Variants in TMEM132D observed in about 807,000 individuals in gnomAD.
TMEM132D encodes mature OL transmembrane protein.
A neutral mutation model predicts 62.3 loss-of-function variants in TMEM132D; 21 were observed. That is an observed-to-expected ratio of 0.34 (90% CI 0.24 to 0.49). The LOEUF is 0.49. Among genes scored for constraint, TMEM132D ranks in the 20% least tolerant of loss-of-function variants. The pLI is 0.99. For missense variants in TMEM132D, 1,346 were observed against 1,402.8 expected (o/e 0.96, Z 0.65); for synonymous variants, 621 against 575.6 (o/e 1.08, Z -1.13).
intron 3 of TMEM132D, among the ~76,000 whole-genome samples, chr12:129,513,563 C>A (rs1407888047): frequency 6.6e-6 from 1 of 152,032 alleles, no homozygotes; most frequent in East Asian, 2.0e-4. Flanking sequence ...CGGCTCACTG[C>A]AAGCTTCGCC....
At chr12:129,183,293 G>C (rs1412185001) in intron 5 of TMEM132D, among the ~76,000 whole-genome samples, 1 of 152,182 alleles carries the variant, frequency 6.6e-6, no homozygotes, top group African/African-American at 2.4e-5. Flanking sequence ...ATGTCACAGG[G>C]GCCTATTACA....
intron 1 of TMEM132D, among the ~76,000 whole-genome samples, chr12:129,897,456 T>C (rs1875180170): frequency 6.6e-6 from 1 of 152,142 alleles, no homozygotes; most frequent in Non-Finnish European, 1.5e-5. Flanking sequence ...CCCAGGACCC[T>C]ACACATGTTA....
chr12:129,847,506 C>T (rs1294625643), intron 1 of TMEM132D, among the ~76,000 whole-genome samples: 1 of 152,086 alleles, frequency 6.6e-6, no homozygotes, highest in Non-Finnish European at 1.5e-5. Context: ...GGGCTTCCAA[C>T]GGCTCTGGTC....
chr12:129,658,187 A>G (rs1330987685), intron 2 of TMEM132D, among the ~76,000 whole-genome samples: 1 of 152,228 alleles, frequency 6.6e-6, no homozygotes, highest in Non-Finnish European at 1.5e-5. Context: ...ACTTTCTAGG[A>G]AAAGAAAGCA....
intron 1 of TMEM132D, among the ~76,000 whole-genome samples, chr12:129,745,567 C>T (rs1254388151): frequency 6.6e-6 from 1 of 152,140 alleles, no homozygotes; most frequent in Non-Finnish European, 1.5e-5. Context: ...CCCTCCTTCA[C>T]TTCTTTCATT....
At chr12:129,529,437 T>C (rs956124967) in intron 3 of TMEM132D, among the ~76,000 whole-genome samples, 3 of 152,252 alleles carry the variant, frequency 2.0e-5, no homozygotes, top group Non-Finnish European at 4.4e-5. Context: ...GGAGCCACCA[T>C]TGGGCCCCCC....
chr12:129,610,294 AGAG>A (rs1565921797), intron 2 of TMEM132D, among the ~76,000 whole-genome samples: 4 of 148,484 alleles, frequency 2.7e-5, no homozygotes, highest in African/African-American at 9.9e-5. Context: ...AAAAAAAAAA[AGAG>A]AGACAGAGAG....
chr12:129,337,878 CAG>C (rs1869345211), intron 3 of TMEM132D, 61 bp from the exon 4 acceptor site: 2 of 1,513,994 alleles, frequency 1.3e-6, no homozygotes, highest in Admixed American at 2.1e-5. Context: ...GCACGCTTGG[CAG>C]AGAGTGGGCG....
intron 2 of TMEM132D, among the ~76,000 whole-genome samples, chr12:129,673,628 A>C (rs1454847277): frequency 6.6e-6 from 1 of 152,172 alleles, no homozygotes; most frequent in Non-Finnish European, 1.5e-5. Flanking sequence ...TTGGAATTAC[A>C]CTTACATTCT....
chr12:129,137,847 C>T (rs1876630240), intron 5 of TMEM132D, among the ~76,000 whole-genome samples: 1 of 151,974 alleles, frequency 6.6e-6, no homozygotes, highest in Admixed American at 6.6e-5. Flanking sequence ...CATTGCTGAG[C>T]AGCCACAATA....
intron 5 of TMEM132D, among the ~76,000 whole-genome samples, chr12:129,098,488 G>T (rs1875186103): frequency 6.6e-6 from 1 of 152,046 alleles, no homozygotes; most frequent in Non-Finnish European, 1.5e-5. Context: ...TTTTTCTAGG[G>T]TCTCTACCAA....
chr12:129,097,098 C>T (rs1401871930), intron 5 of TMEM132D, among the ~76,000 whole-genome samples: 1 of 152,198 alleles, frequency 6.6e-6, no homozygotes, highest in Non-Finnish European at 1.5e-5. Flanking sequence ...GTTTCTCTGC[C>T]CCTGCCCTGT....
intron 4 of TMEM132D, among the ~76,000 whole-genome samples, chr12:129,293,727 T>C (rs893519576): frequency 1.1e-4 from 17 of 152,146 alleles, no homozygotes; most frequent in African/African-American, 3.9e-4. Flanking sequence ...GGGTTAGTGC[T>C]TCCATGAGAA....
Position 129,557,057 on chromosome 12 carries a change from G to A in TMEM132D, c.969-25852C>T, listed in dbSNP as rs118084536. Among the ~76,000 whole-genome samples, 857 of 152,230 alleles carry A rather than the reference G, an allele frequency of 5.6e-3. 4 individuals are homozygous for A. The highest frequency in any genetic ancestry group is 8.7e-3 in the Non-Finnish European group (589 of 68,034). Reference sequence around the variant, plus strand: ...TGTTCACTGGAATCTAAATACCATGGTGATTTGATACCCACCATTATTCAC... The same window carrying A: ...TGTTCACTGGAATCTAAATACCATGATGATTTGATACCCACCATTATTCAC... On this transcript the variant is annotated intron_variant, in intron 2 of 8. Transcript: ENST00000422113.
intron 2 of TMEM132D, among the ~76,000 whole-genome samples, chr12:129,609,620 G>A (rs1012643030): frequency 8.5e-5 from 13 of 152,156 alleles, no homozygotes; most frequent in Non-Finnish European, 1.6e-4. Context: ...TGGCAGGTGA[G>A]TGTTTAAGCC....
intron 2 of TMEM132D, among the ~76,000 whole-genome samples, chr12:129,643,838 C>T (rs1483812751): frequency 6.9e-6 from 1 of 145,258 alleles, no homozygotes; most frequent in African/African-American, 2.5e-5. Context: ...CGAACAGAAC[C>T]AATGTACCAT....
At chr12:129,786,915 G>T (rs930279634) in intron 1 of TMEM132D, among the ~76,000 whole-genome samples, 1 of 152,090 alleles carries the variant, frequency 6.6e-6, no homozygotes, top group African/African-American at 2.4e-5. Context: ...AGGGGAAGGG[G>T]AAGGTGATAC....
chr12:129,462,490 A>G (rs1195926745), intron 3 of TMEM132D, among the ~76,000 whole-genome samples: 6 of 152,232 alleles, frequency 3.9e-5, no homozygotes, highest in African/African-American at 9.6e-5. Context: ...TATGTAAGAT[A>G]AAAATTCCAC....
intron 2 of TMEM132D, among the ~76,000 whole-genome samples, chr12:129,606,286 G>T (rs1394551766): frequency 6.6e-6 from 1 of 152,044 alleles, no homozygotes; most frequent in African/African-American, 2.4e-5. Context: ...TGATCGAGCC[G>T]GTCCACAGAC....
Sources: allele counts gnomAD v4.1 joint callset (sites outside exome capture counted in the v4.1 genomes callset), GRCh38; gene constraint gnomAD v4.1.1; transcripts MANE v1.5; gene names NCBI Gene and HGNC (gene_info 2026-07-23, HGNC 2026-07-21).